The following BMP5 variants were observed in gnomAD, a reference collection of about 807,000 sequenced individuals.
The protein encoded by BMP5 is bone morphogenetic protein 5.
BMP5 carries 23 observed loss-of-function variants against 46.6 expected under a neutral mutation model. The ratio of observed to expected loss-of-function variants is 0.49; its 90% CI spans 0.35 to 0.70. BMP5 has a LOEUF of 0.70. Ranked by LOEUF, BMP5 falls within the 30% of genes least tolerant of loss-of-function variation. The pLI is 0.00. For synonymous variants in BMP5, 204 were observed against 191.9 expected (o/e 1.06, Z -0.52); for missense variants, 545 against 565.6 (o/e 0.96, Z 0.37).
At chr6:55,769,474 T>C (rs1256639397) in intron 4 of BMP5, among the ~76,000 whole-genome samples, 1 of 151,912 alleles carries the variant, frequency 6.6e-6, no homozygotes, top group East Asian at 1.9e-4. Flanking sequence ...CAGGTTCCGC[T>C]TGTAATTCAA....
At chr6:55,801,905 T>A (rs1775856776) in intron 2 of BMP5, among the ~76,000 whole-genome samples, 1 of 152,230 alleles carries the variant, frequency 6.6e-6, no homozygotes, top group Non-Finnish European at 1.5e-5. Context: ...TCACCGGTCT[T>A]CCCATGCTTC....
At chr6:55,809,063 A>C (rs1776060592) in intron 2 of BMP5, among the ~76,000 whole-genome samples, 1 of 152,156 alleles carries the variant, frequency 6.6e-6, no homozygotes, top group Non-Finnish European at 1.5e-5. Flanking sequence ...AAAAATCATT[A>C]TGTTCTTTAA....
At chr6:55,806,726 G>C (rs577154645) in intron 2 of BMP5, among the ~76,000 whole-genome samples, 1 of 152,186 alleles carries the variant, frequency 6.6e-6, no homozygotes, top group South Asian at 2.1e-4. Flanking sequence ...CCATTTGTTT[G>C]TGTTCTGTCT....
In BMP5 at chr6:55,874,926, A is replaced by C; in HGVS notation, c.-61T>G. ...TTCTTGTCCTCTTAAAAAAAAAAAA[A>C]ACCTAAGGTTCTAGGAGGTACAGTT... On this transcript the variant is annotated 5_prime_UTR_variant, in exon 1 of 7. Coordinates refer to ENST00000370830, the MANE Select transcript of BMP5 (RefSeq NM_021073.4). 6.4e-7 allele frequency: 1 copy of C among 1,569,756 alleles called. No homozygotes were observed. Among genetic ancestry groups the C allele is most frequent in the South Asian group, 1.2e-5 (1 of 84,242 alleles).
At chr6:55,844,258 T>G (rs960958657) in intron 1 of BMP5, among the ~76,000 whole-genome samples, 2 of 152,018 alleles carry the variant, frequency 1.3e-5, no homozygotes, top group Non-Finnish European at 2.9e-5. Flanking sequence ...TATCTGTTCT[T>G]TTAACTGTGC....
chr6:55,826,949 C>A (rs1776546433), intron 1 of BMP5, among the ~76,000 whole-genome samples: 1 of 151,756 alleles, frequency 6.6e-6, no homozygotes. Flanking sequence ...ACTGCTACAT[C>A]TGTCTCAGGG....
chr6:55,755,826 G>A, intron 6 of BMP5, 144 bp from the exon 7 acceptor site: 6 of 791,270 alleles, frequency 7.6e-6, no homozygotes, highest in Non-Finnish European at 1.2e-5. Context: ...CATGACTGGG[G>A]TGGGGGACTG....
intron 1 of BMP5, among the ~76,000 whole-genome samples, chr6:55,833,323 G>A (rs1358536916): frequency 3.3e-5 from 5 of 152,022 alleles, no homozygotes; most frequent in Admixed American, 6.6e-5. Flanking sequence ...TCATTTTCTC[G>A]CCCCTTGATG....
chr6:55,812,584 AC>A (rs1244746671), intron 2 of BMP5, among the ~76,000 whole-genome samples: 1 of 152,192 alleles, frequency 6.6e-6, no homozygotes, highest in African/African-American at 2.4e-5. Context: ...ATATGTGAAA[AC>A]ATATATGCAT....
chr6:55,755,684 T>C lies in BMP5; in HGVS notation c.1216-2A>G. On this transcript the variant is annotated splice_acceptor_variant, in intron 6 of 6. Transcript: ENST00000370830. LOFTEE classifies it high-confidence loss of function. ...GTGGTCAGGAAACATCAGATGAACC[T>C]GGGAAAGAAAAAAGGTTTTGTTTTA... 6.2e-7 allele frequency: 1 copy of C among 1,611,432 alleles called. No individual in the cohort carries two copies. Among genetic ancestry groups the C allele is most frequent in the Non-Finnish European group, 8.5e-7 (1 of 1,178,238 alleles).
chr6:55,817,373 G>A (rs1294382056), intron 2 of BMP5, among the ~76,000 whole-genome samples: 2 of 151,796 alleles, frequency 1.3e-5, no homozygotes, highest in Non-Finnish European at 2.9e-5. Flanking sequence ...ATGATAGACT[G>A]GATTAAGAAA....
chr6:55,842,486 AG>A (rs1314072755), intron 1 of BMP5, among the ~76,000 whole-genome samples: 2 of 152,126 alleles, frequency 1.3e-5, no homozygotes, highest in Non-Finnish European at 2.9e-5. Flanking sequence ...TTACAAGGAA[AG>A]CTCAGTGCCT....
At chr6:55,831,953 G>C (rs1236289135) in intron 1 of BMP5, among the ~76,000 whole-genome samples, 2 of 152,046 alleles carry the variant, frequency 1.3e-5, no homozygotes, top group Non-Finnish European at 2.9e-5. Context: ...CTAACACAGA[G>C]AGAGACAAAA....
intron 1 of BMP5, among the ~76,000 whole-genome samples, chr6:55,842,647 A>AC (rs1288783110): frequency 1.3e-5 from 2 of 152,110 alleles, no homozygotes; most frequent in African/African-American, 4.8e-5. Context: ...CTCAAAAAAA[A>AC]AATGCCCCGA....
In BMP5 at chr6:55,799,007, A is replaced by T. The variant is rs549862063; in HGVS notation, c.684-4580T>A. On this transcript the variant is annotated intron_variant, in intron 2 of 6. Transcript: ENST00000370830. ...AGATGCTAATTGGTGGAATGAGAATATAGAAGCTATATAGCTAAGAAATTA... is the reference window on the plus strand; with the variant it reads ...AGATGCTAATTGGTGGAATGAGAATTTAGAAGCTATATAGCTAAGAAATTA... 5.9e-5 allele frequency among the ~76,000 whole-genome samples: 9 copies of T among 152,332 alleles called. No individual in the cohort carries two copies. In the East Asian group the frequency reaches 1.3e-3, roughly 23 times the overall value.
At chr6:55,779,237 A>C (rs1775249747) in intron 3 of BMP5, among the ~76,000 whole-genome samples, 1 of 152,060 alleles carries the variant, frequency 6.6e-6, no homozygotes, top group Non-Finnish European at 1.5e-5. Flanking sequence ...CGTTGATATC[A>C]CTTTGAGATG....
intron 2 of BMP5, among the ~76,000 whole-genome samples, chr6:55,799,753 A>G (rs888447851): frequency 7.2e-5 from 11 of 152,138 alleles, no homozygotes; most frequent in Non-Finnish European, 4.4e-5. Context: ...TGGTGTGGGA[A>G]TCCACCATCT....
chr6:55,775,990 G>A (rs1775164731), intron 3 of BMP5, among the ~76,000 whole-genome samples: 2 of 151,510 alleles, frequency 1.3e-5, no homozygotes, highest in Admixed American at 1.3e-4. Flanking sequence ...AACCTACTGG[G>A]AAAAGTTGTC....
intron 1 of BMP5, among the ~76,000 whole-genome samples, chr6:55,843,161 C>T (rs1777004305): frequency 6.6e-6 from 1 of 151,810 alleles, no homozygotes; most frequent in Non-Finnish European, 1.5e-5. Flanking sequence ...CTATATTACA[C>T]CATGCAAAAC....
Sources: allele counts gnomAD v4.1 joint callset (sites outside exome capture counted in the v4.1 genomes callset), GRCh38; gene constraint gnomAD v4.1.1; transcripts MANE v1.5; gene names NCBI Gene and HGNC (gene_info 2026-07-23, HGNC 2026-07-21).